The following CSMD3 variants were observed in gnomAD, a reference collection of about 807,000 sequenced individuals.
The protein encoded by CSMD3 is CUB and Sushi multiple domains 3, also known as CUB and sushi domain-containing protein 3.
A neutral mutation model predicts 435.2 loss-of-function variants in CSMD3; 177 were observed. The observed-to-expected ratio is 0.41, with a 90% CI of 0.36 to 0.46. The LOEUF is 0.46. CSMD3 is among the 20% of genes least tolerant of loss of function. The probability of loss-of-function intolerance (pLI) is 0.34; values close to 1 mark genes in which losing one functional copy is unlikely to be tolerated. For synonymous variants in CSMD3, 1,656 were observed against 1,520.5 expected (o/e 1.09, Z -2.07); for missense variants, 4,265 against 4,504.6 (o/e 0.95, Z 1.52).
chr8:113,143,569 A>G (rs921214932), intron 4 of CSMD3, among the ~76,000 whole-genome samples: 1 of 151,458 alleles, frequency 6.6e-6, no homozygotes, highest in Admixed American at 6.6e-5. Context: ...ATGAGTAAGT[A>G]GTTAAATAAA....
chr8:112,267,947 G>A (rs1014178127), intron 59 of CSMD3, among the ~76,000 whole-genome samples: 3 of 151,894 alleles, frequency 2.0e-5, no homozygotes, highest in Non-Finnish European at 2.9e-5. Context: ...AAAAAAAAAG[G>A]CTTTTGGTTT....
intron 37 of CSMD3, 74 bp from the exon 38 acceptor site, chr8:112,380,530 A>G (rs1333701985): frequency 1.2e-6 from 1 of 815,502 alleles, no homozygotes. Flanking sequence ...AAGTTTACTA[A>G]TCAGCCAATA....
chr8:113,326,837 G>C (rs1365128594), intron 1 of CSMD3, among the ~76,000 whole-genome samples: 1 of 151,928 alleles, frequency 6.6e-6, no homozygotes, highest in Non-Finnish European at 1.5e-5. Flanking sequence ...GACATTTTAA[G>C]CTTAAACCTT....
chr8:112,810,698 T>C (rs2079201814), intron 12 of CSMD3, among the ~76,000 whole-genome samples: 1 of 151,970 alleles, frequency 6.6e-6, no homozygotes, highest in Non-Finnish European at 1.5e-5. Flanking sequence ...CCAAAAAAAT[T>C]GGAAAAATGA....
chr8:112,866,477 G>T (rs2080987282), intron 10 of CSMD3, among the ~76,000 whole-genome samples: 1 of 152,092 alleles, frequency 6.6e-6, no homozygotes, highest in South Asian at 2.1e-4. Flanking sequence ...TCAGAGTAAT[G>T]TTATTATTAT....
At chr8:112,950,200 A>G (rs534127010) in intron 8 of CSMD3, among the ~76,000 whole-genome samples, 169 of 152,114 alleles carry the variant, frequency 1.1e-3, no homozygotes, top group African/African-American at 4.0e-3. Context: ...AATATGTCCT[A>G]GTTGTTTGAT....
intron 1 of CSMD3, among the ~76,000 whole-genome samples, chr8:113,328,204 C>G (rs978386908): frequency 1.3e-5 from 2 of 151,582 alleles, no homozygotes; most frequent in Non-Finnish European, 2.9e-5. Context: ...TTTGGGAGGC[C>G]GAGGCGGGCG....
intron 27 of CSMD3, among the ~76,000 whole-genome samples, chr8:112,528,491 C>T (rs902471416): frequency 5.3e-5 from 8 of 151,988 alleles, no homozygotes; most frequent in Non-Finnish European, 1.2e-4. Flanking sequence ...ACAAAGATGT[C>T]GTGATGCCAG....
At chr8:112,284,017 TA>T (rs35796784) in intron 58 of CSMD3, among the ~76,000 whole-genome samples, 35,721 of 151,672 alleles carry the variant, frequency 0.24, 4,396 homozygotes, top group East Asian at 0.36. Context: ...CATTAATATG[TA>T]AAATTATGTA....
intron 4 of CSMD3, among the ~76,000 whole-genome samples, chr8:113,111,731 G>C (rs1276406476): frequency 6.6e-6 from 1 of 152,066 alleles, no homozygotes; most frequent in Admixed American, 6.6e-5. Context: ...GCTCAGGCTG[G>C]AGTACAGAGG....
At chr8:112,312,698 TATTA>T (rs1338234401) in intron 49 of CSMD3, among the ~76,000 whole-genome samples, 7 of 152,172 alleles carry the variant, frequency 4.6e-5, no homozygotes, top group African/African-American at 1.4e-4. Flanking sequence ...AAATACAAAT[TATTA>T]ATTAGTTAAA....
At chr8:112,346,722 A>G (rs767389528) in intron 40 of CSMD3, among the ~76,000 whole-genome samples, 12 of 112,120 alleles carry the variant, frequency 1.1e-4, no homozygotes, top group Non-Finnish European at 1.6e-4. Flanking sequence ...TCTGTCACCC[A>G]GGCTGGAGTG....
chr8:113,224,315 T>C (rs1010907576), intron 3 of CSMD3, among the ~76,000 whole-genome samples: 1 of 151,198 alleles, frequency 6.6e-6, no homozygotes, highest in Non-Finnish European at 1.5e-5. Flanking sequence ...CTATTTTGCT[T>C]CAATAAACCC....
intron 3 of CSMD3, among the ~76,000 whole-genome samples, chr8:113,276,175 A>G (rs908044931): frequency 6.6e-6 from 1 of 152,092 alleles, no homozygotes; most frequent in South Asian, 2.1e-4. Flanking sequence ...CCAAAAATGT[A>G]TCTCTGGAAC....
rs548586438 is a variant in CSMD3 at position 112,416,511 on chromosome 8, T to C, written c.5396-7479A>G. The stretch of plus-strand genomic sequence containing the variant: ...GTTTAACAAGTACACGAATGATTTC[T>C]TTTTAAAACTGCCTAAGCAAACCAG... On this transcript the variant is annotated intron_variant, in intron 32 of 70. Coordinates refer to ENST00000297405, the MANE Select transcript of CSMD3 (RefSeq NM_198123.2). Among the ~76,000 whole-genome samples, 4 of 152,372 alleles carry C rather than the reference T, an allele frequency of 2.6e-5. No homozygotes were observed. The South Asian group carries it at 8.3e-4, about 32-fold the overall frequency.
In CSMD3 at chr8:112,745,986, T is replaced by C. The variant is rs183593934; in HGVS notation, c.1972+54176A>G. Among the ~76,000 whole-genome samples the C allele has an allele frequency of 1.1e-4, 17 of 152,284 alleles. No individual in the cohort carries two copies. The East Asian group carries it at 3.1e-3, about 28-fold the overall frequency. On this transcript the variant is annotated intron_variant, in intron 13 of 70. Transcript: ENST00000297405. ...AGGGAAAATAAATCGATGGGCAGTG[T>C]TATGATCAAACGGCAGTTGACAGTT...
At chr8:112,820,581 G>A (rs2079501208) in intron 12 of CSMD3, among the ~76,000 whole-genome samples, 2 of 151,174 alleles carry the variant, frequency 1.3e-5, no homozygotes, top group Non-Finnish European at 2.9e-5. Context: ...TCACTAAAGG[G>A]CAAATTTACA....
intron 1 of CSMD3, among the ~76,000 whole-genome samples, chr8:113,343,396 T>C (rs914128203): frequency 6.6e-6 from 1 of 152,004 alleles, no homozygotes; most frequent in African/African-American, 2.4e-5. Context: ...AATAGTAAAA[T>C]TGAAAACATA....
Position 113,299,304 on chromosome 8 carries a change from CT to C in CSMD3, c.401+15266del, listed in dbSNP as rs573858051. Among the ~76,000 whole-genome samples, 741 of 151,916 alleles carry C rather than the reference CT, an allele frequency of 4.9e-3. 3 individuals are homozygous for C. Among genetic ancestry groups the C allele is most frequent in the African/African-American group, 0.016 (660 of 41,434 alleles). ...TTAATTCTAGAATTATTTTCCTTTC[CT>C]TTTTTTGCTGCTCATGCTTATTTGA... On this transcript the variant is annotated intron_variant, in intron 2 of 70. Transcript: ENST00000297405.
Sources: gnomAD v4.1 joint callset for allele counts (sites outside exome capture counted in the v4.1 genomes callset) on GRCh38, gnomAD v4.1.1 for gene constraint, MANE v1.5 for transcripts, NCBI Gene and HGNC (gene_info 2026-07-23, HGNC 2026-07-21) for gene names.